Variants in FAM13A observed in about 807,000 individuals in gnomAD.
The protein encoded by FAM13A is protein FAM13A.
In FAM13A, 76 loss-of-function variants were observed where a neutral mutation model predicts 129.6. That is an observed-to-expected ratio of 0.59 (90% confidence interval 0.49 to 0.71). FAM13A has a LOEUF of 0.71. Ranked by LOEUF, FAM13A falls within the 30% of genes least tolerant of loss-of-function variation. The pLI, the probability that FAM13A is intolerant of heterozygous loss-of-function variation, is 0.00. For missense variants in FAM13A, 1,108 were observed against 1,249.3 expected, an observed-to-expected ratio of 0.89 and a Z score of 1.70; for synonymous variants, 443 against 449.9, an observed-to-expected ratio of 0.98 and a Z score of 0.20.
chr4:88,835,025 T>C (rs191626425), intron 7 of FAM13A, among the ~76,000 whole-genome samples: 31 of 152,314 alleles, frequency 2.0e-4, no homozygotes, highest in African/African-American at 7.0e-4. Context: ...TGTACAGAAT[T>C]GATCTCCCCA....
chr4:88,866,472 GCCCGGCA>G (rs1199267481), intron 6 of FAM13A, among the ~76,000 whole-genome samples: 1 of 152,186 alleles, frequency 6.6e-6, no homozygotes, highest in Non-Finnish European at 1.5e-5. Flanking sequence ...GAGTGACTGT[GCCCGGCA>G]CTTTTGCTTC....
At chr4:88,910,577 C>T (rs1001138725) in intron 5 of FAM13A, among the ~76,000 whole-genome samples, 2 of 151,986 alleles carry the variant, frequency 1.3e-5, no homozygotes, top group African/African-American at 4.8e-5. Context: ...CCACTTGTTT[C>T]TCTCTATCCC....
rs377485774 is a variant in FAM13A, at chr4:88,965,950, T to C, written c.605+25023A>G. On this transcript the variant is annotated intron_variant, in intron 4 of 23. Coordinates refer to ENST00000264344, the MANE Select transcript of FAM13A (RefSeq NM_014883.4). ...TGTATATACTACATTTGTTTACCCA[T>C]TCATCCATCCATGGACACTTGGATT... Among the ~76,000 whole-genome samples, 48 of 152,326 alleles carry C rather than the reference T, an allele frequency of 3.2e-4. No individual in the cohort carries two copies. In the East Asian group the frequency reaches 4.2e-3, roughly 13 times the overall value.
intron 13 of FAM13A, among the ~76,000 whole-genome samples, chr4:88,761,872 A>C (rs1744881390): frequency 6.6e-6 from 1 of 152,146 alleles, no homozygotes; most frequent in African/African-American, 2.4e-5. Context: ...TTTTTCACAC[A>C]CTGGGGAAAC....
chr4:89,005,069 C>T (rs987740433), intron 3 of FAM13A, among the ~76,000 whole-genome samples: 20 of 152,004 alleles, frequency 1.3e-4, no homozygotes, highest in African/African-American at 4.8e-4. Flanking sequence ...CCTCCACTCA[C>T]ACTCCATCCT....
At chr4:88,871,702 A>G (rs1741425119) in intron 6 of FAM13A, among the ~76,000 whole-genome samples, 1 of 152,226 alleles carries the variant, frequency 6.6e-6, no homozygotes, top group Non-Finnish European at 1.5e-5. Context: ...GGAGAATGGA[A>G]CCAAGTTGGA....
At chr4:88,827,276 CAT>C (rs1264703532) in intron 7 of FAM13A, among the ~76,000 whole-genome samples, 1 of 152,162 alleles carries the variant, frequency 6.6e-6, no homozygotes, top group East Asian at 1.9e-4. Flanking sequence ...CCTTTGATTT[CAT>C]CTGTCTTTCC....
intron 14 of FAM13A, among the ~76,000 whole-genome samples, chr4:88,751,390 AG>A (rs1206145440): frequency 6.6e-6 from 1 of 152,236 alleles, no homozygotes; most frequent in Non-Finnish European, 1.5e-5. Flanking sequence ...CTATGTATTT[AG>A]GAGTTTATAA....
intron 2 of FAM13A, among the ~76,000 whole-genome samples, chr4:89,023,823 T>G (rs11097209): frequency 0.35 from 52,339 of 151,686 alleles, 9,568 homozygotes; most frequent in Middle Eastern, 0.47. Context: ...AAGCCTCTTA[T>G]GAGGCTAGAA....
intron 6 of FAM13A, among the ~76,000 whole-genome samples, chr4:88,896,969 G>A (rs1406914041): frequency 6.6e-6 from 1 of 152,160 alleles, no homozygotes; most frequent in African/African-American, 2.4e-5. Context: ...GGTTAAGAAT[G>A]CAGCAACTAT....
chr4:88,993,140 A>T (rs1039358854), intron 3 of FAM13A, among the ~76,000 whole-genome samples: 7 of 152,192 alleles, frequency 4.6e-5, no homozygotes, highest in Non-Finnish European at 1.0e-4. Context: ...TATGTGACCT[A>T]CGTTGTGTTG....
chr4:88,803,378 C>A (rs1314801575), intron 8 of FAM13A, among the ~76,000 whole-genome samples: 1 of 152,020 alleles, frequency 6.6e-6, no homozygotes, highest in Non-Finnish European at 1.5e-5. Flanking sequence ...CAAGTAGCTT[C>A]TATTAAGAGT....
At chr4:88,837,335 C>G (rs1734989202) in intron 7 of FAM13A, among the ~76,000 whole-genome samples, 2 of 151,856 alleles carry the variant, frequency 1.3e-5, no homozygotes, top group African/African-American at 4.8e-5. Context: ...CATATTAAAA[C>G]TGTTTATTTT....
chr4:89,008,310 G>A (rs368642906), intron 3 of FAM13A, among the ~76,000 whole-genome samples: 6 of 152,292 alleles, frequency 3.9e-5, no homozygotes, highest in African/African-American at 1.4e-4. Flanking sequence ...GAGGCCACAA[G>A]GGTTGGCTCC....
intron 3 of FAM13A, among the ~76,000 whole-genome samples, chr4:88,996,680 G>T (rs1298185341): frequency 1.3e-5 from 2 of 152,036 alleles, no homozygotes; most frequent in Admixed American, 6.6e-5. Context: ...CAGGGTGAAG[G>T]CTAGTGATAG....
chr4:88,988,503 T>TA (rs1560675898), intron 4 of FAM13A, among the ~76,000 whole-genome samples: 1 of 152,204 alleles, frequency 6.6e-6, no homozygotes, highest in Non-Finnish European at 1.5e-5. Flanking sequence ...GTCTGCAACT[T>TA]AGTTTCAAAT....
chr4:88,870,946 T>C (rs1741282187), intron 6 of FAM13A, among the ~76,000 whole-genome samples: 3 of 152,174 alleles, frequency 2.0e-5, no homozygotes, highest in South Asian at 4.1e-4. Context: ...GGCAGCAACA[T>C]TTGCTGTTCT....
chr4:88,887,339 T>C (rs1744587804), intron 6 of FAM13A, among the ~76,000 whole-genome samples: 1 of 152,016 alleles, frequency 6.6e-6, no homozygotes, highest in Admixed American at 6.6e-5. Flanking sequence ...GAAGACAAAC[T>C]GCAAACAGAA....
chr4:88,757,388 T>A (rs34531469), intron 14 of FAM13A, among the ~76,000 whole-genome samples: 1 of 152,164 alleles, frequency 6.6e-6, no homozygotes, highest in Admixed American at 6.5e-5. Context: ...TATTTTTTGG[T>A]TACTGTATTT....
Sources: gnomAD v4.1 joint callset for allele counts (sites outside exome capture counted in the v4.1 genomes callset) on GRCh38, gnomAD v4.1.1 for gene constraint, MANE v1.5 for transcripts, NCBI Gene and HGNC (gene_info 2026-07-23, HGNC 2026-07-21) for gene names.